SELENOP: variants seen among roughly 807,000 people sequenced by gnomAD.
SELENOP encodes selenoprotein P, also known as selenoprotein P, plasma, 1.
In SELENOP, 36 loss-of-function variants were observed where a neutral mutation model predicts 41.0. The observed-to-expected ratio is 0.88, with a 90% CI of 0.67 to 1.16. SELENOP has a LOEUF of 1.16. Among genes scored for constraint, SELENOP ranks in the 50% most tolerant of loss-of-function variants. The pLI is 0.00. For missense variants in SELENOP, 440 were observed against 454.2 expected, an observed-to-expected ratio of 0.97 and a Z score of 0.28; for synonymous variants, 144 against 150.8, an observed-to-expected ratio of 0.95 and a Z score of 0.33.
In SELENOP at chr5:42,800,806, T is replaced by G; in HGVS notation, c.1060A>C (p.Ile354Leu). ...QURLPPAAUQISQQLIPTEAS... is the reference protein window; with the variant it reads ...QURLPPAAUQLSQQLIPTEAS... ...TCTGTGGGTATAAGCTGCTGACTTA[T>G]TTGTCAGGCAGCTGGAGGCAAACGT... The change falls in exon 5 of 5, where the codon ATA becomes CTA. Residue 354 changes from isoleucine to leucine, a missense_variant. Transcript: ENST00000514985. 5 of 1,614,232 alleles carry G rather than the reference T, an allele frequency of 3.1e-6. No homozygotes were observed. Among genetic ancestry groups the G allele is most frequent in the Non-Finnish European group, 4.2e-6 (5 of 1,180,038 alleles).
At chr5:42,803,599 T>C (rs1366153338) in intron 4 of SELENOP, among the ~76,000 whole-genome samples, 1 of 152,186 alleles carries the variant, frequency 6.6e-6, no homozygotes, top group Non-Finnish European at 1.5e-5. Flanking sequence ...ACAGATAAAA[T>C]TGTGAATTGT....
In SELENOP at chr5:42,808,307, G is replaced by T. The variant is rs759244077; in HGVS notation, c.47C>A (p.Ser16Ter). The T allele has an allele frequency of 3.3e-6, 5 of 1,493,456 alleles. No individual in the cohort carries two copies. The Admixed American group carries it at 9.6e-5, about 29-fold the overall frequency. The allele number at this position is 1,493,456 out of a possible 1,614,324, so 92.5% of individuals were successfully genotyped here. A position where few individuals can be genotyped will look rare whatever the true frequency, so the allele number is the denominator to read the frequency against. Residue 16 changes from serine to a stop codon, truncating the protein, a stop_gained, in exon 2 of 5, where the codon TCG becomes TAG. Coordinates refer to ENST00000514985, the MANE Select transcript of SELENOP (RefSeq NM_005410.4). LOFTEE classifies it high-confidence loss of function. ...TTGGTCCTGGCTCTCTGTTCCTCCCGATGGGAGGAGACAGAGAGCCAGGGC... is the reference window on the plus strand; with the variant it reads ...TTGGTCCTGGCTCTCTGTTCCTCCCTATGGGAGGAGACAGAGAGCCAGGGC... ...GLALALCLLP[S>*]GGTESQDQSS... is the part of the protein sequence containing the mutation.
In SELENOP at chr5:42,801,308, A is replaced by C. The variant is rs752147663; in HGVS notation, c.558T>G (p.Cys186Trp). The C allele has an allele frequency of 1.9e-6, 3 of 1,609,798 alleles. No homozygotes were observed. The highest frequency in any genetic ancestry group is 2.2e-5 in the South Asian group (2 of 90,484). ...SLTTLKDEDF[C>W]KRVSLATVDK... Reference sequence around the variant, plus strand: ...CCACAGTAGCCAAAGATACACGTTTACAAAAGTCTTCATCTTTGAGAGTCT... The same window carrying C: ...CCACAGTAGCCAAAGATACACGTTTCCAAAAGTCTTCATCTTTGAGAGTCT... Residue 186 changes from cysteine to tryptophan, a missense_variant, in exon 5 of 5, where the codon TGT (cysteine) becomes TGG (tryptophan). Coordinates refer to ENST00000514985, the MANE Select transcript of SELENOP (RefSeq NM_005410.4).
chr5:42,808,609 T>C (rs1315006191), intron 1 of SELENOP, among the ~76,000 whole-genome samples: 1 of 151,986 alleles, frequency 6.6e-6, no homozygotes, highest in African/African-American at 2.4e-5. Context: ...CTTTCTATCC[T>C]CCAAGAAGAA....
Position 42,800,522 on chromosome 5 carries a change from G to A in SELENOP, c.*198C>T, listed in dbSNP as rs539146481. ...CAAAAGCTGCAATCACCTTTCAGTT[G>A]CTCCATCATAAAAAATATGGTTTGA... is the stretch of plus-strand genomic sequence containing the variant. On this transcript the variant is annotated 3_prime_UTR_variant, in exon 5 of 5. Coordinates refer to ENST00000514985, the MANE Select transcript of SELENOP (RefSeq NM_005410.4). 1.7e-6 allele frequency: 1 copy of A among 585,168 alleles called. No homozygotes were observed. The highest frequency in any genetic ancestry group is 2.9e-5 in the South Asian group (1 of 34,250). The allele number at this position is 585,168 out of a possible 1,614,324, so 36.2% of individuals were successfully genotyped here.
chr5:42,809,703 G>A (rs1000901689), intron 1 of SELENOP: 46 of 563,470 alleles, frequency 8.2e-5, no homozygotes, highest in Admixed American at 1.9e-4. Flanking sequence ...GGTAGATATA[G>A]ATAGAATTTT....
intron 1 of SELENOP, among the ~76,000 whole-genome samples, chr5:42,811,075 CTA>C (rs1321467675): frequency 2.0e-5 from 3 of 152,328 alleles, no homozygotes; most frequent in Non-Finnish European, 2.9e-5. Flanking sequence ...GTAAATTTCA[CTA>C]TGTCACCACT....
At chr5:42,807,194 T>C in intron 2 of SELENOP, 86 bp from the exon 3 acceptor site, 1 of 658,504 alleles carries the variant, frequency 1.5e-6, no homozygotes, top group Admixed American at 2.7e-5. Context: ...TAATTTTCTA[T>C]GTGAAACTCT....
intron 3 of SELENOP, chr5:42,806,663 A>G: frequency 3.2e-6 from 1 of 316,614 alleles, no homozygotes; most frequent in East Asian, 5.0e-5. Context: ...GAGGAAGGAT[A>G]TGAGGAAAAC....
At position 42,801,349 on chromosome 5, in the gene SELENOP, A is replaced by G; in HGVS notation, c.535-18T>C. 1 of 1,566,886 alleles carries G rather than the reference A, an allele frequency of 6.4e-7. No homozygotes were observed. ...TTGAGAGTCTGGAACAAATTTATAA[A>G]TCACTTTTTAACAAGCTTATAGAGA... On this transcript the variant is annotated intron_variant, in intron 4 of 4. Coordinates refer to ENST00000514985, the MANE Select transcript of SELENOP (RefSeq NM_005410.4).
rs1159717519 is a variant in SELENOP at position 42,807,120 on chromosome 5, G to T, written c.204-12C>A. The T allele has an allele frequency of 8.0e-7, 1 of 1,255,314 alleles. No individual in the cohort carries two copies. The highest frequency in any genetic ancestry group is 1.1e-6 in the Non-Finnish European group (1 of 875,474). 77.8% of individuals were successfully genotyped at this position (1,255,314 alleles called of 1,614,324 possible). ...GCAGGTCTTCTAATCTAAAATATTT[G>T]GGAAGAAATACATAAAATGAATAAT... On this transcript the variant is annotated splice_polypyrimidine_tract_variant and intron_variant, in intron 2 of 4. Coordinates refer to ENST00000514985, the MANE Select transcript of SELENOP (RefSeq NM_005410.4).
At chr5:42,802,517 AG>A (rs777777540) in intron 4 of SELENOP, among the ~76,000 whole-genome samples, 14 of 152,256 alleles carry the variant, frequency 9.2e-5, no homozygotes, top group Non-Finnish European at 1.9e-4. Flanking sequence ...AAACTTATAA[AG>A]AATTTGATAC....
intron 1 of SELENOP, among the ~76,000 whole-genome samples, chr5:42,810,261 T>C (rs1483751861): frequency 6.6e-6 from 1 of 152,200 alleles, no homozygotes; most frequent in African/African-American, 2.4e-5. Context: ...GTAATAACTA[T>C]AGCCGCCAAC....
At position 42,802,696 on chromosome 5, in the gene SELENOP, C is replaced by T. The variant is rs3877900; in HGVS notation, c.535-1365G>A. ...CACGACCTCGACTCACTGCAACTTCCGCCTCCTAGGTTCAAGTGATTCTCC... is the reference window on the plus strand; with the variant it reads ...CACGACCTCGACTCACTGCAACTTCTGCCTCCTAGGTTCAAGTGATTCTCC... On this transcript the variant is annotated intron_variant, in intron 4 of 4. Coordinates refer to ENST00000514985, the MANE Select transcript of SELENOP (RefSeq NM_005410.4). 9.1e-3 allele frequency among the ~76,000 whole-genome samples: 1,390 copies of T among 152,246 alleles called. 21 individuals are homozygous for T. Among genetic ancestry groups the T allele is most frequent in the African/African-American group, 0.032 (1,327 of 41,550 alleles).
chr5:42,808,203 C>T lies in SELENOP; in HGVS notation c.151G>A (p.Val51Met). Residue 51 changes from valine to methionine, a missense_variant, in exon 2 of 5, where the codon GTG becomes ATG. Physicochemically the swap from Val to Met is conservative, Grantham distance 21. Coordinates refer to ENST00000514985, the MANE Select transcript of SELENOP (RefSeq NM_005410.4). ...CAGCTGGCTTGAAGAAGAGCAACCACAGTCACTGAACCATTGGAGTTTAGC... is the reference window on the plus strand; with the variant it reads ...CAGCTGGCTTGAAGAAGAGCAACCATAGTCACTGAACCATTGGAGTTTAGC... ...PMLNSNGSVT[V>M]VALLQASUYL... 1.9e-6 allele frequency: 3 copies of T among 1,578,976 alleles called. No homozygotes were observed. Among genetic ancestry groups the T allele is most frequent in the Non-Finnish European group, 2.6e-6 (3 of 1,163,578 alleles).
At chr5:42,810,795 A>G in intron 1 of SELENOP, 2 of 1,058,190 alleles carry the variant, frequency 1.9e-6, no homozygotes, top group Middle Eastern at 2.7e-4. Flanking sequence ...GGTGAATACA[A>G]ATGAAAAGAC....
intron 4 of SELENOP, among the ~76,000 whole-genome samples, chr5:42,804,252 G>A (rs984970784): frequency 2.6e-5 from 4 of 152,178 alleles, no homozygotes; most frequent in South Asian, 2.1e-4. Context: ...ACAAGGGCTG[G>A]AGATCGAGAC....
rs1446989687 is a variant in SELENOP at position 42,806,522 on chromosome 5, CAG to C, written c.416+372_416+373del. 9 of 165,216 alleles carry C rather than the reference CAG, an allele frequency of 5.4e-5. No individual in the cohort carries two copies. In the East Asian group the frequency reaches 9.7e-4, roughly 18 times the overall value. 10.2% of individuals were successfully genotyped at this position (165,216 alleles called of 1,614,324 possible). ...GATGAGATTGCTCAGGTAAAATGTG[CAG>C]AGTGTGAATAGGCAGAAAGCTGTAT... On this transcript the variant is annotated intron_variant, in intron 3 of 4. Coordinates refer to ENST00000514985, the MANE Select transcript of SELENOP (RefSeq NM_005410.4).
At chr5:42,810,950 T>C (rs559836860) in intron 1 of SELENOP, among the ~76,000 whole-genome samples, 1 of 152,312 alleles carries the variant, frequency 6.6e-6, no homozygotes, top group Admixed American at 6.5e-5. Context: ...AAATTATTTC[T>C]TACACCGTAA....
Sources: gnomAD v4.1 joint callset for allele counts (sites outside exome capture counted in the v4.1 genomes callset) on GRCh38, gnomAD v4.1.1 for gene constraint, MANE v1.5 for transcripts, NCBI Gene and HGNC (gene_info 2026-07-23, HGNC 2026-07-21) for gene names.